Variants in SLC38A1 observed in about 807,000 individuals in gnomAD.
SLC38A1 encodes the protein sodium-coupled neutral amino acid symporter 1.
A neutral mutation model predicts 60.3 loss-of-function variants in SLC38A1; 18 were observed. The ratio of observed to expected loss-of-function variants is 0.30; its 90% CI spans 0.21 to 0.44. The LOEUF is 0.44. Ranked by LOEUF, SLC38A1 falls within the 20% of genes least tolerant of loss-of-function variation. SLC38A1 has a pLI of 1.00. For synonymous variants in SLC38A1, 196 were observed against 212.1 expected, an observed-to-expected ratio of 0.92 and a Z score of 0.66; for missense variants, 448 against 587.2, an observed-to-expected ratio of 0.76 and a Z score of 2.45.
intron 3 of SLC38A1, among the ~76,000 whole-genome samples, chr12:46,230,287 G>A (rs1397936364): frequency 1.3e-5 from 2 of 152,200 alleles, no homozygotes. Context: ...TAGGTAATAA[G>A]TGATGCAAAC....
At position 46,185,772 on chromosome 12, in the gene SLC38A1, C is replaced by T. The variant is rs1485541311; in HGVS notation, c.*3198G>A. On this transcript the variant is annotated 3_prime_UTR_variant, in exon 17 of 17. Coordinates refer to ENST00000398637, the MANE Select transcript of SLC38A1 (RefSeq NM_030674.4). Reference sequence around the variant, plus strand: ...TTCTGACCCATGAGAGGCCCCCTCACCCTCCTTCACCCTCCTCCTACCACC... The same window carrying T: ...TTCTGACCCATGAGAGGCCCCCTCATCCTCCTTCACCCTCCTCCTACCACC... The T allele has an allele frequency of 1.3e-5, 2 of 152,196 alleles. No individual in the cohort carries two copies. The highest frequency in any genetic ancestry group is 2.9e-5 in the Non-Finnish European group (2 of 68,162). 9.4% of individuals were successfully genotyped at this position (152,196 alleles called of 1,614,324 possible).
At chr12:46,201,917 G>T (rs1489865148) in intron 12 of SLC38A1, among the ~76,000 whole-genome samples, 1 of 150,582 alleles carries the variant, frequency 6.6e-6, no homozygotes, top group African/African-American at 2.5e-5. Flanking sequence ...AGTAGGCCCC[G>T]CGCGGTGGCT....
chr12:46,231,966 T>C (rs1211494627), intron 3 of SLC38A1, among the ~76,000 whole-genome samples: 1 of 152,238 alleles, frequency 6.6e-6, no homozygotes, highest in African/African-American at 2.4e-5. Context: ...CATTTTTAAA[T>C]GAAACATATG....
intron 1 of SLC38A1, among the ~76,000 whole-genome samples, chr12:46,266,402 AT>A (rs1442614348): frequency 6.6e-6 from 1 of 152,142 alleles, no homozygotes; most frequent in Non-Finnish European, 1.5e-5. Flanking sequence ...CTATTCATCT[AT>A]CTGTTCAATT....
At chr12:46,218,813 T>C (rs1940529144) in intron 5 of SLC38A1, among the ~76,000 whole-genome samples, 1 of 151,454 alleles carries the variant, frequency 6.6e-6, no homozygotes, top group African/African-American at 2.4e-5. Context: ...TGATGATTGG[T>C]TAAGTTGGAT....
At chr12:46,222,028 G>A (rs1397035125) in intron 5 of SLC38A1, among the ~76,000 whole-genome samples, 2 of 152,066 alleles carry the variant, frequency 1.3e-5, no homozygotes, top group Non-Finnish European at 2.9e-5. Flanking sequence ...AGGTTAGTGT[G>A]GCAGAAGCTG....
At chr12:46,266,065 A>G (rs1942340741) in intron 1 of SLC38A1, among the ~76,000 whole-genome samples, 1 of 152,194 alleles carries the variant, frequency 6.6e-6, no homozygotes. Flanking sequence ...TTTCAAACTT[A>G]GGAGAAGGGG....
intron 5 of SLC38A1, among the ~76,000 whole-genome samples, chr12:46,216,458 A>G (rs1210973362): frequency 1.3e-5 from 2 of 152,142 alleles, no homozygotes; most frequent in Non-Finnish European, 1.5e-5. Context: ...TAAGTGAGGG[A>G]CCAGAGGCTC....
In SLC38A1 at chr12:46,233,242, C is replaced by G. The variant is rs77791917; in HGVS notation, c.123-3603G>C. 3.4e-4 allele frequency among the ~76,000 whole-genome samples: 51 copies of G among 152,078 alleles called. 1 individual carries two copies. In the East Asian group the frequency reaches 7.2e-3, roughly 21 times the overall value. On this transcript the variant is annotated intron_variant, in intron 3 of 16. Coordinates refer to ENST00000398637, the MANE Select transcript of SLC38A1 (RefSeq NM_030674.4). ...CTTGCTATGTTGCCCACGCTGGTCT[C>G]GAACTCCTTGGCTCAAGTGATTCTT...
intron 1 of SLC38A1, among the ~76,000 whole-genome samples, chr12:46,254,330 T>C (rs1486748360): frequency 6.6e-6 from 1 of 152,228 alleles, no homozygotes; most frequent in East Asian, 1.9e-4. Flanking sequence ...ATAACAAGTG[T>C]AGCATAATTC....
intron 1 of SLC38A1, among the ~76,000 whole-genome samples, chr12:46,257,004 T>C (rs908747138): frequency 1.6e-4 from 24 of 152,100 alleles, no homozygotes; most frequent in Admixed American, 1.2e-3. Context: ...GAGAAAAGCA[T>C]TGCCTGTGGC....
At chr12:46,219,326 T>C (rs1940555974) in intron 5 of SLC38A1, among the ~76,000 whole-genome samples, 1 of 152,244 alleles carries the variant, frequency 6.6e-6, no homozygotes. Flanking sequence ...TTTCAGTTTC[T>C]TTATCTATAA....
At chr12:46,190,971 C>T (rs1252449279) in intron 16 of SLC38A1, among the ~76,000 whole-genome samples, 1 of 152,042 alleles carries the variant, frequency 6.6e-6, no homozygotes, top group Admixed American at 6.5e-5. Context: ...CTTTTGTTGC[C>T]ATTGCTTTTT....
intron 1 of SLC38A1, among the ~76,000 whole-genome samples, chr12:46,259,558 TTTAA>T (rs1470098529): frequency 2.0e-5 from 3 of 152,234 alleles, no homozygotes; most frequent in African/African-American, 7.2e-5. Context: ...TAATTTATAC[TTTAA>T]TTAAAATAAA....
At chr12:46,250,865 A>G (rs572682563) in intron 1 of SLC38A1, among the ~76,000 whole-genome samples, 1 of 152,372 alleles carries the variant, frequency 6.6e-6, no homozygotes, top group African/African-American at 2.4e-5. Flanking sequence ...ATGGACTAAC[A>G]TTCCATGCTC....
At chr12:46,209,457 TC>T (rs1422561731) in intron 5 of SLC38A1, among the ~76,000 whole-genome samples, 1 of 152,062 alleles carries the variant, frequency 6.6e-6, no homozygotes, top group Non-Finnish European at 1.5e-5. Context: ...CTCTGTTACA[TC>T]CGGGTGAGAA....
intron 16 of SLC38A1, chr12:46,195,889 C>T (rs1939351394): frequency 2.7e-6 from 1 of 366,720 alleles, no homozygotes; most frequent in African/African-American, 2.1e-5. Context: ...AGGTAAATCC[C>T]CTGACCCCTT....
At position 46,268,466 on chromosome 12, in the gene SLC38A1, A is replaced by C. The variant is rs150681390; in HGVS notation, c.-209+60T>G. The C allele has an allele frequency of 2.2e-3, 350 of 155,794 alleles. 1 individual carries two copies. The highest frequency in any genetic ancestry group is 7.2e-3 in the African/African-American group (300 of 41,712). 9.7% of individuals were successfully genotyped at this position (155,794 alleles called of 1,614,324 possible). A position where few individuals can be genotyped will look rare whatever the true frequency, so the allele number is the denominator to read the frequency against. On this transcript the variant is annotated intron_variant, in intron 1 of 16. Coordinates refer to ENST00000398637, the MANE Select transcript of SLC38A1 (RefSeq NM_030674.4). This position sits in a 1 kb window ranked among gnomAD's most constrained non-coding sequence, Gnocchi z 4.4. ...GATTTCTACGTTACCTCCTCCTCCG[A>C]CATCTAAATCTCCCCTTGCCGCTCG...
In SLC38A1 at chr12:46,267,072, T is replaced by C. The variant is rs565753040; in HGVS notation, c.-209+1454A>G. ...TGACGTCAGAAAAAGCACGAGTTGC[T>C]GCACAGTTTCTTTTATCAAGGTGAC... On this transcript the variant is annotated intron_variant, in intron 1 of 16. Coordinates refer to ENST00000398637, the MANE Select transcript of SLC38A1 (RefSeq NM_030674.4). Among the ~76,000 whole-genome samples, 10 of 152,356 alleles carry C rather than the reference T, an allele frequency of 6.6e-5. No individual in the cohort carries two copies. The East Asian group carries it at 1.2e-3, about 18-fold the overall frequency.
Sources: gnomAD v4.1 joint callset for allele counts (sites outside exome capture counted in the v4.1 genomes callset) on GRCh38, gnomAD v4.1.1 for gene constraint, Gnocchi (gnomAD v3.1) non-coding constraint, MANE v1.5 for transcripts, NCBI Gene and HGNC (gene_info 2026-07-23, HGNC 2026-07-21) for gene names.